Variants in CRIM1 observed in about 807,000 individuals in gnomAD.
CRIM1 encodes cysteine-rich motor neuron 1 protein.
In CRIM1, 32 loss-of-function variants were observed where a neutral mutation model predicts 116.4. The observed-to-expected ratio is 0.27, with a 90% CI of 0.21 to 0.37. The LOEUF (loss-of-function observed/expected upper bound fraction) is 0.37, where lower values mean the gene tolerates loss of function less well. Ranked by LOEUF, CRIM1 falls within the 10% of genes least tolerant of loss-of-function variation. CRIM1 has a pLI of 1.00. For missense variants in CRIM1, 1,331 were observed against 1,354.8 expected, an observed-to-expected ratio of 0.98 and a Z score of 0.28; for synonymous variants, 590 against 509.2, an observed-to-expected ratio of 1.16 and a Z score of -2.13.
At chr2:36,528,894 A>G (rs1665931410) in intron 13 of CRIM1, among the ~76,000 whole-genome samples, 2 of 152,316 alleles carry the variant, frequency 1.3e-5, no homozygotes. Flanking sequence ...TGCCCTAGGA[A>G]GCAACTGATC....
At chr2:36,474,847 C>CAAAAAAAAAAAAAAAAAAAAAAA (rs56084308) in intron 5 of CRIM1, among the ~76,000 whole-genome samples, 2 of 90,742 alleles carry the variant, frequency 2.2e-5, no homozygotes, top group African/African-American at 8.8e-5. Flanking sequence ...GACTCTATAT[C>CAAAAAAAAAAAAAAAAAAAAAAA]AAAAAAAAAA....
chr2:36,514,936 T>A (rs766020089), intron 11 of CRIM1, among the ~76,000 whole-genome samples: 1 of 152,220 alleles, frequency 6.6e-6, no homozygotes, highest in Non-Finnish European at 1.5e-5. Context: ...ATGACTCTTT[T>A]TATTTTGTTT....
rs1038410074 is a variant in CRIM1 at position 36,385,065 on chromosome 2, A to C, written c.332-11549A>C. ...TGTGTAGTAGGAATAAATAAGACCA[A>C]ACACAATCTTGCTTCACTGAAAAAA... On this transcript the variant is annotated intron_variant, in intron 1 of 16. Transcript: ENST00000280527. Among the ~76,000 whole-genome samples the C allele has an allele frequency of 9.3e-5, 14 of 151,334 alleles. No homozygotes were observed. In the Admixed American group the frequency reaches 9.3e-4, roughly 10 times the overall value.
chr2:36,370,798 G>A (rs922009474), intron 1 of CRIM1, among the ~76,000 whole-genome samples: 3 of 151,898 alleles, frequency 2.0e-5, no homozygotes, highest in African/African-American at 7.3e-5. Flanking sequence ...TTCTTTAGAG[G>A]GGACATATTT....
At position 36,550,043 on chromosome 2, in the gene CRIM1, G is replaced by GTA. The variant is rs1016830874; in HGVS notation, c.*1343_*1344insAT. 16 of 126,150 alleles carry GTA rather than the reference G, an allele frequency of 1.3e-4. No homozygotes were observed. The highest frequency in any genetic ancestry group is 5.2e-4 in the South Asian group (2 of 3,818). 7.8% of individuals were successfully genotyped at this position (126,150 alleles called of 1,614,324 possible). On this transcript the variant is annotated 3_prime_UTR_variant, in exon 17 of 17. Transcript: ENST00000280527. ...AAGATGTGTGTGTGAGAGTATGTAT[G>GTA]TGTGTGTGTGTGTGTGTGTGTGTGC...
Position 36,441,287 on chromosome 2 carries a change from T to C in CRIM1, c.535T>C (p.Cys179Arg). Residue 179 changes from cysteine (C) to arginine (R), a missense_variant, in exon 3 of 17, where the codon TGT (cysteine) becomes CGT (arginine). Around this residue, in one of 3 missense-constraint regions of CRIM1, gnomAD observed 690 missense variants for 676.0 expected, o/e 1.02. Transcript: ENST00000280527. ...GAAGCCAGATTGCTCCAAGGCCCGCTGTGAAGTCCAGTTCTCTCCACGTTG... is the reference window on the plus strand; with the variant it reads ...GAAGCCAGATTGCTCCAAGGCCCGCCGTGAAGTCCAGTTCTCTCCACGTTG... ...EEKPDCSKAR[C>R]EVQFSPRCPE... 6.2e-7 allele frequency: 1 copy of C among 1,614,214 alleles called. No homozygotes were observed. Among genetic ancestry groups the C allele is most frequent in the Non-Finnish European group, 8.5e-7 (1 of 1,180,032 alleles).
intron 5 of CRIM1, among the ~76,000 whole-genome samples, chr2:36,471,648 C>G (rs1678523149): frequency 6.6e-6 from 1 of 151,946 alleles, no homozygotes; most frequent in African/African-American, 2.4e-5. Context: ...TTTGGCTTCC[C>G]TGGGCCACAT....
chr2:36,434,224 C>T (rs1054415340), intron 2 of CRIM1, among the ~76,000 whole-genome samples: 2 of 152,196 alleles, frequency 1.3e-5, no homozygotes, highest in Non-Finnish European at 2.9e-5. Flanking sequence ...GAAAGTTCCT[C>T]CTTTTATCAC....
chr2:36,409,013 GA>G (rs11408190), intron 2 of CRIM1, among the ~76,000 whole-genome samples: 2,092 of 147,786 alleles, frequency 0.014, 40 homozygotes, highest in African/African-American at 0.048. Flanking sequence ...CCTCAGAGGG[GA>G]AAAAAAAAAA....
At chr2:36,407,954 CTG>C (rs2148407347) in intron 2 of CRIM1, among the ~76,000 whole-genome samples, 1 of 152,158 alleles carries the variant, frequency 6.6e-6, no homozygotes, top group Non-Finnish European at 1.5e-5. Flanking sequence ...ACTCTTAACT[CTG>C]AGCTTTGAAG....
Position 36,356,082 on chromosome 2 carries a change from C to G in CRIM1, c.-211C>G. On this transcript the variant is annotated 5_prime_UTR_variant, in exon 1 of 17. Coordinates refer to ENST00000280527, the MANE Select transcript of CRIM1 (RefSeq NM_016441.3). This position sits in a 1 kb window ranked among gnomAD's most constrained non-coding sequence, Gnocchi z 4.3. ...GGAGGAGGGGAAGCTGCCGCCGGCG[C>G]CAAGGCTCGTGGGCTCGGGGTCGGC... The G allele has an allele frequency of 6.4e-6, 1 of 155,296 alleles. No homozygotes were observed. The highest frequency in any genetic ancestry group is 1.4e-5 in the Non-Finnish European group (1 of 70,918). The allele number at this position is 155,296 out of a possible 1,614,324, so 9.6% of individuals were successfully genotyped here.
intron 1 of CRIM1, among the ~76,000 whole-genome samples, chr2:36,389,923 C>A (rs1391532394): frequency 6.6e-6 from 1 of 152,182 alleles, no homozygotes; most frequent in African/African-American, 2.4e-5. Context: ...GCTGGAGCTG[C>A]TTCTTCACAT....
chr2:36,367,412 T>A (rs959480388), intron 1 of CRIM1, among the ~76,000 whole-genome samples: 4 of 152,186 alleles, frequency 2.6e-5, no homozygotes, highest in Non-Finnish European at 5.9e-5. Flanking sequence ...AAAACAGCCA[T>A]GGCTTTTGAA....
chr2:36,363,526 G>GCC lies in CRIM1; in HGVS notation c.331+6904_331+6905dup, dbSNP rs1287817324. ...ATTGTTACTGAATTCAGCAGTCGTC[G>GCC]CCGCCCCCCCCCCCCATGACTATCT... On this transcript the variant is annotated intron_variant, in intron 1 of 16. Coordinates refer to ENST00000280527, the MANE Select transcript of CRIM1 (RefSeq NM_016441.3). Among the ~76,000 whole-genome samples the GCC allele has an allele frequency of 9.1e-4, 70 of 76,882 alleles. 1 individual carries two copies. Among genetic ancestry groups the GCC allele is most frequent in the Admixed American group, 1.3e-3 (9 of 7,130 alleles). 50.4% of individuals were successfully genotyped at this position (76,882 alleles called of 152,430 possible). A position where few individuals can be genotyped will look rare whatever the true frequency, so the allele number is the denominator to read the frequency against.
intron 4 of CRIM1, among the ~76,000 whole-genome samples, chr2:36,464,305 T>C (rs1677821132): frequency 6.6e-6 from 1 of 152,124 alleles, no homozygotes; most frequent in South Asian, 2.1e-4. Context: ...GTCAAAATGG[T>C]TAAAGTTAAA....
chr2:36,436,933 G>A (rs965338728), intron 2 of CRIM1, among the ~76,000 whole-genome samples: 3 of 152,146 alleles, frequency 2.0e-5, no homozygotes, highest in Non-Finnish European at 4.4e-5. Context: ...CACACTGAAA[G>A]CAATACATTA....
chr2:36,372,676 G>A (rs898624241), intron 1 of CRIM1, among the ~76,000 whole-genome samples: 3 of 152,098 alleles, frequency 2.0e-5, no homozygotes, highest in African/African-American at 7.2e-5. Context: ...TTTCTGCTGC[G>A]GCATGGCCCT....
chr2:36,547,357 C>A (rs769454002), intron 16 of CRIM1, among the ~76,000 whole-genome samples, 186 bp downstream of exon 16: 13 of 152,156 alleles, frequency 8.5e-5, no homozygotes, highest in Non-Finnish European at 1.3e-4. Flanking sequence ...GGACTGATCA[C>A]AAGGTGAATT....
chr2:36,545,891 CTT>C (rs888060443), intron 15 of CRIM1, among the ~76,000 whole-genome samples: 10 of 152,058 alleles, frequency 6.6e-5, no homozygotes, highest in Admixed American at 5.2e-4. Flanking sequence ...AAATGTTACT[CTT>C]TGACATTTTT....
Sources: gnomAD v4.1 joint callset for allele counts (sites outside exome capture counted in the v4.1 genomes callset) on GRCh38, gnomAD v4.1.1 for gene constraint, gnomAD v4.1.1 regional missense constraint, Gnocchi (gnomAD v3.1) non-coding constraint, MANE v1.5 for transcripts, NCBI Gene and HGNC (gene_info 2026-07-23, HGNC 2026-07-21) for gene names.